RBBP8: variants seen among roughly 807,000 people sequenced by gnomAD.
The protein encoded by RBBP8 is RB binding protein 8, endonuclease, also known as DNA endonuclease RBBP8.
A neutral mutation model predicts 108.3 loss-of-function variants in RBBP8; 88 were observed. The observed-to-expected ratio is 0.81, with a 90% CI of 0.68 to 0.97. The LOEUF (loss-of-function observed/expected upper bound fraction) is 0.97. Among genes scored for constraint, RBBP8 ranks in the 50% least tolerant of loss-of-function variants. RBBP8 has a pLI of 0.00. For missense variants in RBBP8, 1,023 were observed against 1,049.0 expected (o/e 0.98, Z 0.34); for synonymous variants, 332 against 348.2 (o/e 0.95, Z 0.52).
In RBBP8 at chr18:23,023,024, G is replaced by A. The variant is rs535526409; in HGVS notation, c.2596+754G>A. 8.4e-4 allele frequency among the ~76,000 whole-genome samples: 128 copies of A among 151,576 alleles called. No individual in the cohort carries two copies. In the Middle Eastern group the frequency reaches 0.017, roughly 20 times the overall value. ...CTCAAACTCTACCTCAGCCTTCCAA[G>A]TAGCTAGGACTACAGCCTTGTGCCG... is the stretch of plus-strand genomic sequence containing the variant. On this transcript the variant is annotated intron_variant, in intron 18 of 18. Transcript: ENST00000327155.
intron 17 of RBBP8, among the ~76,000 whole-genome samples, chr18:23,019,521 A>T (rs1383407056): frequency 6.6e-6 from 1 of 152,200 alleles, no homozygotes; most frequent in Non-Finnish European, 1.5e-5. Context: ...GATCTGAGAT[A>T]GTGATCTCAA....
At chr18:22,976,610 T>G (rs1261180024) in intron 6 of RBBP8, among the ~76,000 whole-genome samples, 1 of 152,148 alleles carries the variant, frequency 6.6e-6, no homozygotes, top group Non-Finnish European at 1.5e-5. Context: ...GTATATATGT[T>G]CTGTATTACT....
At chr18:22,981,036 G>T (rs111428738) in intron 6 of RBBP8, among the ~76,000 whole-genome samples, 14,673 of 83,198 alleles carry the variant, frequency 0.18, 1,088 homozygotes, top group Non-Finnish European at 0.28. Flanking sequence ...GCAGTGGCAC[G>T]ATCTCAGCTC....
At chr18:22,970,123 T>G (rs904743604) in intron 5 of RBBP8, among the ~76,000 whole-genome samples, 2 of 152,224 alleles carry the variant, frequency 1.3e-5, no homozygotes, top group Non-Finnish European at 2.9e-5. Context: ...AAATGCAGTC[T>G]CTACGCATCA....
chr18:22,984,863 C>T, intron 7 of RBBP8, 23 bp from the exon 8 acceptor site: 1 of 1,338,506 alleles, frequency 7.5e-7, no homozygotes, highest in Non-Finnish European at 1.1e-6. Context: ...ATTGTGTAAT[C>T]TCTTATTTTT....
In RBBP8 at chr18:23,022,651, T is replaced by TAA. The variant is rs370599195; in HGVS notation, c.2596+382_2596+383insAA. ...ATAAAATAAAATAAATAAAATACAA[T>TAA]ATAAAATAAAATAAAATAAATAACT... On this transcript the variant is annotated intron_variant, in intron 18 of 18. Coordinates refer to ENST00000327155, the MANE Select transcript of RBBP8 (RefSeq NM_002894.3). 1.5e-3 allele frequency among the ~76,000 whole-genome samples: 124 copies of TAA among 83,788 alleles called. 5 individuals are homozygous for TAA. The highest frequency in any genetic ancestry group is 5.5e-3 in the African/African-American group (95 of 17,184). 55.0% of individuals were successfully genotyped at this position (83,788 alleles called of 152,430 possible).
At chr18:22,976,081 A>G (rs1431136582) in intron 6 of RBBP8, among the ~76,000 whole-genome samples, 7 of 152,154 alleles carry the variant, frequency 4.6e-5, no homozygotes, top group Admixed American at 3.3e-4. Context: ...CAAAAACTTC[A>G]GTAAAACTAT....
At chr18:22,967,573 C>G (rs550453791) in intron 4 of RBBP8, among the ~76,000 whole-genome samples, 1 of 152,012 alleles carries the variant, frequency 6.6e-6, no homozygotes, top group South Asian at 2.1e-4. Context: ...GAATATAACT[C>G]TTCCTCACCT....
chr18:22,930,298 T>G (rs1909975402), upstream of RBBP8, among the ~76,000 whole-genome samples: 1 of 152,160 alleles, frequency 6.6e-6, no homozygotes, highest in Non-Finnish European at 1.5e-5. Context: ...GCACTGGGCC[T>G]GAGGTGACTA....
chr18:22,993,259 C>T lies in RBBP8; in HGVS notation c.1432C>T (p.Gln478Ter). Residue 478 changes from glutamine to a stop codon, truncating the protein, a stop_gained, in exon 11 of 19, where the codon CAG becomes TAG. Transcript: ENST00000327155. LOFTEE classifies it high-confidence loss of function. ...TGCTTTCCCTTTTCCAATGGATAAT[C>T]AGTTTTCCATGAATGGAGACTGTGT... The part of the protein sequence containing the change: ...ENAFPFPMDN[Q>*]FSMNGDCVMD... 6.2e-7 allele frequency: 1 copy of T among 1,614,204 alleles called. No homozygotes were observed. Among genetic ancestry groups the T allele is most frequent in the Non-Finnish European group, 8.5e-7 (1 of 1,180,040 alleles).
chr18:22,931,074 AT>A (rs1269692920), upstream of RBBP8, among the ~76,000 whole-genome samples: 5 of 152,202 alleles, frequency 3.3e-5, no homozygotes, highest in Admixed American at 6.5e-5. Context: ...ATCTCAAGAA[AT>A]TTACAGTCCA....
intron 17 of RBBP8, among the ~76,000 whole-genome samples, chr18:23,019,583 C>T (rs1163148329): frequency 6.6e-6 from 1 of 152,080 alleles, no homozygotes; most frequent in Non-Finnish European, 1.5e-5. Flanking sequence ...ATTCCCAAAC[C>T]TCACTGCTGA....
chr18:22,927,569 C>T (rs564318452), intron 3 of RBBP8, among the ~76,000 whole-genome samples: 3 of 152,006 alleles, frequency 2.0e-5, no homozygotes, highest in African/African-American at 7.2e-5. Flanking sequence ...CTGAGATGTG[C>T]TGTAAAGGTA....
intron 2 of RBBP8, among the ~76,000 whole-genome samples, chr18:22,945,391 T>C (rs1353746836): frequency 6.6e-6 from 1 of 152,130 alleles, no homozygotes; most frequent in African/African-American, 2.4e-5. Flanking sequence ...TTATTTTATT[T>C]TATTTTATTT....
intron 4 of RBBP8, among the ~76,000 whole-genome samples, chr18:22,961,440 A>G (rs1913089702): frequency 1.3e-5 from 2 of 152,208 alleles, no homozygotes; most frequent in Admixed American, 1.3e-4. Flanking sequence ...TGGTAGGGCA[A>G]GTGTGTATAT....
intron 18 of RBBP8, among the ~76,000 whole-genome samples, chr18:23,022,637 T>TAAAATAAAATAAAATATAAAATATA (rs376205689): frequency 1.3e-5 from 1 of 78,048 alleles, no homozygotes; most frequent in Non-Finnish European, 2.6e-5. Flanking sequence ...TAAAATAAAA[T>TAAAATAAAATAAAATATAAAATATA]AAATAAAATA....
rs143952104 is a variant in RBBP8 at position 22,979,459 on chromosome 18, G to A, written c.429-2759G>A. Reference sequence around the variant, plus strand: ...GAAATTAAAGTGTAAATCTTTTTTGGGAAAAATTAGTCTTTGTCTTCCAAT... The same window carrying A: ...GAAATTAAAGTGTAAATCTTTTTTGAGAAAAATTAGTCTTTGTCTTCCAAT... On this transcript the variant is annotated intron_variant, in intron 6 of 18. Transcript: ENST00000327155. Among the ~76,000 whole-genome samples the A allele has an allele frequency of 3.2e-3, 491 of 151,920 alleles. 2 individuals carry two copies. Among genetic ancestry groups the A allele is most frequent in the Middle Eastern group, 0.02 (6 of 294 alleles).
chr18:23,016,681 A>T, intron 16 of RBBP8, 147 bp from the exon 17 acceptor site: 1 of 682,522 alleles, frequency 1.5e-6, no homozygotes, highest in Non-Finnish European at 2.6e-6. Context: ...CTTGGTGTAT[A>T]TATAGTAAGC....
Position 23,003,937 on chromosome 18 carries a change from G to T in RBBP8, c.2287+2208G>T, listed in dbSNP as rs1490831817. ...CCGGGCATGGTGGCAGGTGCCTGTA[G>T]TCCCAGCTACTCGGGAGGCTCAGGC... On this transcript the variant is annotated intron_variant, in intron 15 of 18. Transcript: ENST00000327155. 1.3e-5 allele frequency among the ~76,000 whole-genome samples: 2 copies of T among 151,496 alleles called. 1 individual carries two copies. Among genetic ancestry groups the T allele is most frequent in the African/African-American group, 4.9e-5 (2 of 41,234 alleles).
Sources: allele counts gnomAD v4.1 joint callset (sites outside exome capture counted in the v4.1 genomes callset), GRCh38; gene constraint gnomAD v4.1.1; transcripts MANE v1.5; gene names NCBI Gene and HGNC (gene_info 2026-07-23, HGNC 2026-07-21).